Variants in AFF3 observed in about 807,000 individuals in gnomAD.
AFF3 encodes the protein AF4/FMR2 family member 3.
A neutral mutation model predicts 129.7 loss-of-function variants in AFF3; 32 were observed. The ratio of observed to expected loss-of-function variants is 0.25; its 90% CI spans 0.19 to 0.33. The LOEUF (loss-of-function observed/expected upper bound fraction) is 0.33, where lower values mean the gene tolerates loss of function less well. AFF3 is among the 10% of genes least tolerant of loss of function. The pLI, the probability that AFF3 is intolerant of heterozygous loss-of-function variation, is 1.00. For missense variants in AFF3, 1,373 were observed against 1,592.0 expected, an observed-to-expected ratio of 0.86 and a Z score of 2.34; for synonymous variants, 644 against 635.4, an observed-to-expected ratio of 1.01 and a Z score of -0.20.
At chr2:99,697,349 G>A (rs1203135484) in intron 11 of AFF3, among the ~76,000 whole-genome samples, 1 of 152,178 alleles carries the variant, frequency 6.6e-6, no homozygotes, top group Non-Finnish European at 1.5e-5. Flanking sequence ...CCTGGGTGTG[G>A]GAGATTGGGA....
chr2:99,865,747 T>C (rs1018281557), intron 7 of AFF3, among the ~76,000 whole-genome samples: 15 of 152,098 alleles, frequency 9.9e-5, no homozygotes, highest in Admixed American at 2.0e-4. Flanking sequence ...ATGTCATCCA[T>C]TAGGAAGGTG....
At chr2:99,855,616 T>C (rs766800281) in intron 7 of AFF3, among the ~76,000 whole-genome samples, 3 of 152,206 alleles carry the variant, frequency 2.0e-5, no homozygotes, top group Non-Finnish European at 4.4e-5. Context: ...CATGATCCCA[T>C]ATTGATATAA....
At chr2:99,713,397 T>C (rs1043978080) in intron 11 of AFF3, among the ~76,000 whole-genome samples, 5 of 150,824 alleles carry the variant, frequency 3.3e-5, no homozygotes, top group African/African-American at 1.2e-4. Context: ...GCCTCCCGAG[T>C]AGCTGGGATT....
At chr2:99,557,974 C>T (rs974069435) in intron 22 of AFF3, among the ~76,000 whole-genome samples, 1 of 152,236 alleles carries the variant, frequency 6.6e-6, no homozygotes, top group African/African-American at 2.4e-5. Context: ...AATGTAAGGT[C>T]GACCTCACAA....
At chr2:99,774,968 G>A (rs1180159789) in intron 8 of AFF3, among the ~76,000 whole-genome samples, 1 of 152,138 alleles carries the variant, frequency 6.6e-6, no homozygotes, top group Admixed American at 6.5e-5. Flanking sequence ...AGACATACAT[G>A]CAGCCAACAA....
intron 7 of AFF3, among the ~76,000 whole-genome samples, chr2:99,860,541 G>A (rs572569794): frequency 1.5e-5 from 2 of 133,960 alleles, no homozygotes; most frequent in Non-Finnish European, 3.2e-5. Context: ...GCGACAGAGT[G>A]AGACTCTGTC....
At chr2:99,902,770 G>C (rs1694443340) in intron 7 of AFF3, among the ~76,000 whole-genome samples, 1 of 152,138 alleles carries the variant, frequency 6.6e-6, no homozygotes, top group African/African-American at 2.4e-5. Context: ...AAAACAGTAA[G>C]ATGTGTGGAT....
intron 10 of AFF3, among the ~76,000 whole-genome samples, chr2:99,732,708 C>T (rs1163987694): frequency 6.6e-6 from 1 of 152,142 alleles, no homozygotes; most frequent in Non-Finnish European, 1.5e-5. Flanking sequence ...CATGAACACC[C>T]TTCCTCATGC....
intron 13 of AFF3, among the ~76,000 whole-genome samples, chr2:99,636,163 C>T (rs973064929): frequency 6.6e-6 from 1 of 152,180 alleles, no homozygotes; most frequent in Non-Finnish European, 1.5e-5. Context: ...GGCTTCTTAG[C>T]ACCAGCATTA....
intron 4 of AFF3, among the ~76,000 whole-genome samples, chr2:100,010,823 C>T (rs958071421): frequency 6.6e-5 from 10 of 152,132 alleles, no homozygotes; most frequent in Admixed American, 2.0e-4. Context: ...TATGAAACCC[C>T]GGCTTTCAGG....
intron 11 of AFF3, among the ~76,000 whole-genome samples, chr2:99,726,460 AT>A (rs1167547345): frequency 1.3e-5 from 2 of 152,230 alleles, no homozygotes; most frequent in Non-Finnish European, 2.9e-5. Context: ...TAGCTCATGA[AT>A]TTTTTAATTT....
At chr2:99,817,588 T>C (rs1242638059) in intron 8 of AFF3, among the ~76,000 whole-genome samples, 1 of 152,208 alleles carries the variant, frequency 6.6e-6, no homozygotes, top group Non-Finnish European at 1.5e-5. Flanking sequence ...AGTCTTACTA[T>C]GTTGCTCAGG....
At position 99,594,422 on chromosome 2, in the gene AFF3, A is replaced by G. The variant is rs912408478; in HGVS notation, c.1372-133T>C. On this transcript the variant is annotated intron_variant, in intron 14 of 24. Transcript: ENST00000672756. Reference sequence around the variant, plus strand: ...AAACGAATGGGCTGGAAGCAAAAGGAAAATGGAAGCATTAAGCGTGTGTGG... The same window carrying G: ...AAACGAATGGGCTGGAAGCAAAAGGGAAATGGAAGCATTAAGCGTGTGTGG... 44 of 1,335,956 alleles carry G rather than the reference A, an allele frequency of 3.3e-5. No individual in the cohort carries two copies. In the Admixed American group the frequency reaches 7.6e-4, roughly 23 times the overall value. The allele number at this position is 1,335,956 out of a possible 1,614,324, so 82.8% of individuals were successfully genotyped here. A position where few individuals can be genotyped will look rare whatever the true frequency, so the allele number is the denominator to read the frequency against.
chr2:99,607,448 C>T (rs970922468), intron 13 of AFF3, among the ~76,000 whole-genome samples: 2 of 151,712 alleles, frequency 1.3e-5, no homozygotes, highest in Non-Finnish European at 2.9e-5. Context: ...AGGAGAATTG[C>T]TTGAACCTGG....
chr2:99,916,348 TCTATCA>T (rs1695474705), intron 7 of AFF3, among the ~76,000 whole-genome samples: 1 of 152,170 alleles, frequency 6.6e-6, no homozygotes, highest in Non-Finnish European at 1.5e-5. Context: ...TGTCTAAAAG[TCTATCA>T]CTTATTTACA....
intron 7 of AFF3, among the ~76,000 whole-genome samples, chr2:99,897,396 T>G (rs1441296894): frequency 6.6e-6 from 1 of 152,158 alleles, no homozygotes; most frequent in African/African-American, 2.4e-5. Flanking sequence ...CATAGAATCG[T>G]AGGAGTGAAA....
intron 4 of AFF3, among the ~76,000 whole-genome samples, chr2:100,041,251 T>A (rs1460639119): frequency 6.6e-6 from 1 of 152,236 alleles, no homozygotes; most frequent in Non-Finnish European, 1.5e-5. Flanking sequence ...TTTCAACATA[T>A]ACCTTGGAAA....
chr2:99,697,973 CTA>C (rs1262035379), intron 11 of AFF3, among the ~76,000 whole-genome samples: 3 of 152,096 alleles, frequency 2.0e-5, no homozygotes, highest in Admixed American at 6.5e-5. Flanking sequence ...TTATGATGCT[CTA>C]TGTTTGTTTT....
chr2:99,775,693 GA>G (rs879317982), intron 8 of AFF3, among the ~76,000 whole-genome samples: 27 of 144,282 alleles, frequency 1.9e-4, no homozygotes, highest in South Asian at 6.6e-4. Context: ...ATAAAAGTTG[GA>G]AAAAAAAAAA....
Sources: allele counts gnomAD v4.1 joint callset (sites outside exome capture counted in the v4.1 genomes callset), GRCh38; gene constraint gnomAD v4.1.1; transcripts MANE v1.5; gene names NCBI Gene and HGNC (gene_info 2026-07-23, HGNC 2026-07-21).